The following PPFIBP1 variants were observed in gnomAD, a reference collection of about 807,000 sequenced individuals.
PPFIBP1 encodes liprin-beta-1.
PPFIBP1 carries 112 observed loss-of-function variants against 137.8 expected under a neutral mutation model. The ratio of observed to expected loss-of-function variants is 0.81; its 90% confidence interval spans 0.70 to 0.95. The LOEUF is 0.95. Among genes scored for constraint, PPFIBP1 ranks in the 40% least tolerant of loss-of-function variants. PPFIBP1 has a pLI of 0.00. For missense variants in PPFIBP1, 1,083 were observed against 1,196.6 expected (o/e 0.91, Z 1.40); for synonymous variants, 378 against 417.3 (o/e 0.91, Z 1.15).
intron 2 of PPFIBP1, among the ~76,000 whole-genome samples, chr12:27,590,208 C>T (rs1480421503): frequency 1.3e-5 from 2 of 151,988 alleles, no homozygotes; most frequent in Non-Finnish European, 2.9e-5. Flanking sequence ...TGGAGTCTCG[C>T]CCCATTGCCC....
intron 19 of PPFIBP1, 65 bp downstream of exon 19, chr12:27,677,161 T>C: frequency 6.3e-6 from 10 of 1,584,598 alleles, no homozygotes; most frequent in Non-Finnish European, 8.7e-6. Flanking sequence ...ATCCCTGCTC[T>C]TGGCATCTGT....
intron 1 of PPFIBP1, among the ~76,000 whole-genome samples, chr12:27,539,454 G>C (rs1945412795): frequency 6.6e-6 from 1 of 152,152 alleles, no homozygotes. Context: ...TTGGTGTGCG[G>C]GTTTAAATCT....
chr12:27,619,881 G>A (rs145606401), intron 2 of PPFIBP1, among the ~76,000 whole-genome samples: 9 of 151,746 alleles, frequency 5.9e-5, no homozygotes, highest in Admixed American at 1.3e-4. Flanking sequence ...TATACATTTT[G>A]TATTCAGAAT....
At chr12:27,646,778 A>G (rs1053713115) in intron 5 of PPFIBP1, among the ~76,000 whole-genome samples, 8 of 152,276 alleles carry the variant, frequency 5.3e-5, no homozygotes, top group East Asian at 1.9e-4. Context: ...ATGCTTCACA[A>G]ACATTTTTCT....
chr12:27,628,650 A>G (rs1486601958), intron 2 of PPFIBP1, among the ~76,000 whole-genome samples: 2 of 152,218 alleles, frequency 1.3e-5, no homozygotes, highest in Non-Finnish European at 2.9e-5. Context: ...TCCTTGATTC[A>G]TGACATATTA....
At chr12:27,670,816 A>AATAATAATAAT (rs1351674469) in intron 13 of PPFIBP1, among the ~76,000 whole-genome samples, 1 of 149,416 alleles carries the variant, frequency 6.7e-6, no homozygotes, top group East Asian at 1.9e-4. Flanking sequence ...TAATAATAAT[A>AATAATAATAAT]GAGTGTTGAA....
intron 2 of PPFIBP1, among the ~76,000 whole-genome samples, chr12:27,588,658 T>C (rs1263787752): frequency 6.6e-6 from 1 of 152,168 alleles, no homozygotes; most frequent in Non-Finnish European, 1.5e-5. Context: ...TTGCTGCAGG[T>C]GAGGAAAAAC....
chr12:27,554,928 G>GGGAGACA (rs1278926931), intron 1 of PPFIBP1, among the ~76,000 whole-genome samples: 1 of 151,912 alleles, frequency 6.6e-6, no homozygotes, highest in Non-Finnish European at 1.5e-5. Flanking sequence ...AGGAAGTTAA[G>GGGAGACA]GGAGACAGGG....
intron 6 of PPFIBP1, among the ~76,000 whole-genome samples, chr12:27,649,455 A>T (rs1295622626): frequency 6.6e-6 from 1 of 152,216 alleles, no homozygotes; most frequent in East Asian, 1.9e-4. Flanking sequence ...TGGTTTATGC[A>T]TGTGTATCTA....
chr12:27,622,952 A>T (rs781604303), intron 2 of PPFIBP1, among the ~76,000 whole-genome samples: 7 of 152,240 alleles, frequency 4.6e-5, no homozygotes, highest in Non-Finnish European at 8.8e-5. Flanking sequence ...TTTATAAAAC[A>T]TTCCTTTAGA....
At chr12:27,527,282 T>C (rs1023602252) in intron 1 of PPFIBP1, among the ~76,000 whole-genome samples, 6 of 151,982 alleles carry the variant, frequency 3.9e-5, no homozygotes, top group South Asian at 2.1e-4. Flanking sequence ...AGGGTCTCGC[T>C]CTGCCGCCCT....
intron 2 of PPFIBP1, among the ~76,000 whole-genome samples, chr12:27,625,542 A>G (rs1294287984): frequency 6.6e-6 from 1 of 151,140 alleles, no homozygotes; most frequent in Non-Finnish European, 1.5e-5. Context: ...ATTTCCAGTT[A>G]TATCATCCAT....
At chr12:27,550,487 C>T (rs535978106) in intron 1 of PPFIBP1, among the ~76,000 whole-genome samples, 7 of 152,288 alleles carry the variant, frequency 4.6e-5, no homozygotes, top group African/African-American at 1.7e-4. Context: ...ACACAAGACA[C>T]TGGACTCACA....
chr12:27,561,378 A>G (rs1173090557), intron 1 of PPFIBP1, among the ~76,000 whole-genome samples: 1 of 152,226 alleles, frequency 6.6e-6, no homozygotes, highest in Non-Finnish European at 1.5e-5. Flanking sequence ...CTTCTAGTCC[A>G]GTAAAGGAAG....
intron 2 of PPFIBP1, among the ~76,000 whole-genome samples, chr12:27,626,782 T>A (rs1234474535): frequency 6.6e-6 from 1 of 152,146 alleles, no homozygotes; most frequent in Non-Finnish European, 1.5e-5. Flanking sequence ...GCCAGGCTGG[T>A]CTCCGACTCC....
intron 19 of PPFIBP1, 101 bp from the exon 20 acceptor site, chr12:27,679,388 G>A (rs1182072974): frequency 8.5e-7 from 1 of 1,175,884 alleles, no homozygotes; most frequent in East Asian, 2.4e-5. Context: ...ACTGATTATA[G>A]ACCAACAGAA....
intron 2 of PPFIBP1, among the ~76,000 whole-genome samples, chr12:27,599,846 G>A (rs2053768216): frequency 5.9e-5 from 9 of 152,124 alleles, no homozygotes; most frequent in Admixed American, 5.9e-4. Flanking sequence ...AGAAAGGCAA[G>A]GAAAGACTGA....
intron 6 of PPFIBP1, chr12:27,648,091 A>G: frequency 2.3e-6 from 1 of 434,502 alleles, no homozygotes; most frequent in Middle Eastern, 6.0e-4. Context: ...CTTTTTTTGC[A>G]TTCAGATGGT....
At chr12:27,668,935 G>A (rs1046475173) in intron 13 of PPFIBP1, among the ~76,000 whole-genome samples, 1 of 152,076 alleles carries the variant, frequency 6.6e-6, no homozygotes, top group Admixed American at 6.5e-5. Context: ...ATGTTTTCCT[G>A]ATAGCCCTTG....
Sources: gnomAD v4.1 joint callset for allele counts (sites outside exome capture counted in the v4.1 genomes callset) on GRCh38, gnomAD v4.1.1 for gene constraint, MANE v1.5 for transcripts, NCBI Gene and HGNC (gene_info 2026-07-23, HGNC 2026-07-21) for gene names.